The following CDH8 variants were observed in gnomAD, a reference collection of about 807,000 sequenced individuals.
CDH8 encodes cadherin-8.
Under a neutral mutation model 68.1 loss-of-function variants are expected in CDH8, and 17 were observed. That is an observed-to-expected ratio of 0.25 (90% confidence interval 0.17 to 0.37). CDH8 has a LOEUF of 0.37. Ranked by LOEUF, CDH8 falls within the 10% of genes least tolerant of loss-of-function variation. The probability of loss-of-function intolerance (pLI) is 1.00; values close to 1 mark genes in which losing one functional copy is unlikely to be tolerated. For synonymous variants in CDH8, 372 were observed against 365.1 expected (o/e 1.02, Z -0.21); for missense variants, 763 against 999.3 (o/e 0.76, Z 3.19).
intron 2 of CDH8, among the ~76,000 whole-genome samples, chr16:61,988,153 A>G (rs976930267): frequency 3.9e-5 from 6 of 152,148 alleles, no homozygotes; most frequent in Admixed American, 1.3e-4. Flanking sequence ...GCACTTTCCT[A>G]TCTATAGAAA....
chr16:61,728,833 G>A (rs1959453082), intron 8 of CDH8, among the ~76,000 whole-genome samples: 1 of 150,942 alleles, frequency 6.6e-6, no homozygotes, highest in Non-Finnish European at 1.5e-5. Context: ...TCTACTACTT[G>A]TGTGACTCTG....
Position 61,653,456 on chromosome 16 carries a change from T to G in CDH8, c.*152A>C. ...ATATACTTTTTTATTTTATTATCTT[T>G]TTTTGGTTCAACATTAAAATGTGGT... On this transcript the variant is annotated 3_prime_UTR_variant, in exon 12 of 12. Coordinates refer to ENST00000577390, the MANE Select transcript of CDH8 (RefSeq NM_001796.5). 1 of 1,430,340 alleles carries G rather than the reference T, an allele frequency of 7.0e-7. No individual in the cohort carries two copies. The highest frequency in any genetic ancestry group is 9.2e-7 in the Non-Finnish European group (1 of 1,092,134). 88.6% of individuals were successfully genotyped at this position (1,430,340 alleles called of 1,614,324 possible).
chr16:62,012,835 A>T (rs2150605420), intron 2 of CDH8, among the ~76,000 whole-genome samples: 1 of 152,320 alleles, frequency 6.6e-6, no homozygotes, highest in Middle Eastern at 3.4e-3. Context: ...CCTGGATATC[A>T]CATACTCATT....
At position 61,972,572 on chromosome 16, in the gene CDH8, GTGTGTGTGT is replaced by G. The variant is rs1241726005; in HGVS notation, c.252+48571_252+48579del. On this transcript the variant is annotated intron_variant, in intron 2 of 11. Transcript: ENST00000577390. ...TTTTTTTTCTGGGAACACATTGTGG[GTGTGTGTGT>G]GTGTGTGTGTGTGTGTGTGTGTGTG... Among the ~76,000 whole-genome samples the G allele has an allele frequency of 2.3e-3, 138 of 58,758 alleles. 1 individual carries two copies. Among genetic ancestry groups the G allele is most frequent in the African/African-American group, 9.2e-3 (131 of 14,278 alleles). 38.5% of individuals were successfully genotyped at this position (58,758 alleles called of 152,430 possible). A position where few individuals can be genotyped will look rare whatever the true frequency, so the allele number is the denominator to read the frequency against.
chr16:61,703,770 G>C (rs1212747601), intron 10 of CDH8, among the ~76,000 whole-genome samples: 1 of 152,124 alleles, frequency 6.6e-6, no homozygotes, highest in African/African-American at 2.4e-5. Context: ...AACCCGGGAG[G>C]CGGAGCTTGC....
At chr16:61,726,012 G>A (rs765824399) in intron 9 of CDH8, 2 of 150,624 alleles carry the variant, frequency 1.3e-5, no homozygotes, top group African/African-American at 4.9e-5. Flanking sequence ...TTATAGGAGG[G>A]TAACAAATTG....
intron 2 of CDH8, among the ~76,000 whole-genome samples, chr16:62,002,203 AAGT>A (rs1299463068): frequency 6.6e-6 from 1 of 152,232 alleles, no homozygotes; most frequent in African/African-American, 2.4e-5. Flanking sequence ...GAAAAAAAGA[AAGT>A]AAATTAATCT....
At chr16:61,948,330 T>C (rs1317632687) in intron 2 of CDH8, among the ~76,000 whole-genome samples, 2 of 152,152 alleles carry the variant, frequency 1.3e-5, no homozygotes, top group Admixed American at 6.5e-5. Flanking sequence ...TTGGAAGAAG[T>C]TGAGAACACA....
chr16:61,653,136 A>G lies in CDH8; in HGVS notation c.*472T>C. 8.1e-7 allele frequency: 1 copy of G among 1,238,742 alleles called. No homozygotes were observed. Among genetic ancestry groups the G allele is most frequent in the South Asian group, 3.9e-5 (1 of 25,328 alleles). The allele number at this position is 1,238,742 out of a possible 1,614,324, so 76.7% of individuals were successfully genotyped here. A position where few individuals can be genotyped will look rare whatever the true frequency, so the allele number is the denominator to read the frequency against. ...AGTTATAATGTACAGCAGACCAAGTATTGCTTTATCATTTGTGGCGGGATC... is the reference window on the plus strand; with the variant it reads ...AGTTATAATGTACAGCAGACCAAGTGTTGCTTTATCATTTGTGGCGGGATC... On this transcript the variant is annotated 3_prime_UTR_variant, in exon 12 of 12. Coordinates refer to ENST00000577390, the MANE Select transcript of CDH8 (RefSeq NM_001796.5).
chr16:61,700,464 A>G (rs138410607), intron 10 of CDH8, among the ~76,000 whole-genome samples: 1 of 151,900 alleles, frequency 6.6e-6, no homozygotes, highest in African/African-American at 2.4e-5. Context: ...TATTTTTAGT[A>G]GAGACAGGGT....
intron 8 of CDH8, among the ~76,000 whole-genome samples, chr16:61,768,344 CT>C (rs1960659682): frequency 1.8e-5 from 2 of 111,406 alleles, no homozygotes; most frequent in African/African-American, 7.5e-5. Context: ...CTCTCTCTCT[CT>C]CTCTCTCTCT....
intron 4 of CDH8, among the ~76,000 whole-genome samples, chr16:61,853,602 A>C (rs1465237097): frequency 1.3e-5 from 2 of 152,044 alleles, no homozygotes; most frequent in Admixed American, 1.3e-4. Context: ...GTATTCAGCC[A>C]ACATTTTCGA....
At chr16:61,781,125 T>C (rs1405936758) in intron 8 of CDH8, among the ~76,000 whole-genome samples, 2 of 152,234 alleles carry the variant, frequency 1.3e-5, no homozygotes, top group East Asian at 1.9e-4. Flanking sequence ...AACAGCTCAA[T>C]GCCCTGGAGC....
At chr16:62,016,398 G>T (rs1901941028) in intron 2 of CDH8, among the ~76,000 whole-genome samples, 1 of 152,174 alleles carries the variant, frequency 6.6e-6, no homozygotes, top group Non-Finnish European at 1.5e-5. Context: ...TCGTGGCATG[G>T]TTGTATCAAT....
chr16:61,880,810 G>A (rs1360771061), intron 3 of CDH8, among the ~76,000 whole-genome samples: 1 of 152,198 alleles, frequency 6.6e-6, no homozygotes, highest in Admixed American at 6.5e-5. Context: ...AAGAGGCCAG[G>A]TTTAATGTAA....
chr16:61,969,082 C>A (rs1965298995), intron 2 of CDH8, among the ~76,000 whole-genome samples: 1 of 152,194 alleles, frequency 6.6e-6, no homozygotes, highest in African/African-American at 2.4e-5. Context: ...GTCAGAGCTT[C>A]ATGTTTAAGG....
intron 3 of CDH8, among the ~76,000 whole-genome samples, chr16:61,889,313 G>A (rs1963733857): frequency 6.6e-6 from 1 of 152,088 alleles, no homozygotes. Context: ...AAGAATAAGT[G>A]CATTTGGGTC....
chr16:61,776,381 A>C (rs1337575625), intron 8 of CDH8, among the ~76,000 whole-genome samples: 1 of 152,134 alleles, frequency 6.6e-6, no homozygotes, highest in Non-Finnish European at 1.5e-5. Flanking sequence ...ATAACTCAAC[A>C]GCTTATGTCC....
Position 61,696,529 on chromosome 16 carries a change from G to A in CDH8, c.1654+17312C>T, listed in dbSNP as rs898508661. Among the ~76,000 whole-genome samples, 5 of 152,242 alleles carry A rather than the reference G, an allele frequency of 3.3e-5. No homozygotes were observed. The East Asian group carries it at 9.7e-4, about 29-fold the overall frequency. On this transcript the variant is annotated intron_variant, in intron 10 of 11. Coordinates refer to ENST00000577390, the MANE Select transcript of CDH8 (RefSeq NM_001796.5). ...TTTGTGGGAATGTAACTTAATTCAA[G>A]CACTGTGTAAATAAGTCTGGAGATT...
Sources: gnomAD v4.1 joint callset for allele counts (sites outside exome capture counted in the v4.1 genomes callset) on GRCh38, gnomAD v4.1.1 for gene constraint, MANE v1.5 for transcripts, NCBI Gene and HGNC (gene_info 2026-07-23, HGNC 2026-07-21) for gene names.